Variants in CSMD1 observed in about 807,000 individuals in gnomAD.
CSMD1 encodes CUB and sushi domain-containing protein 1.
In CSMD1, 213 loss-of-function variants were observed where a neutral mutation model predicts 417.5. That is an observed-to-expected ratio of 0.51 (90% CI 0.46 to 0.57). The LOEUF is 0.57. CSMD1 is among the 20% of genes least tolerant of loss of function. The pLI is 0.00. For synonymous variants in CSMD1, 2,862 were observed against 1,736.8 expected, an observed-to-expected ratio of 1.65 and a Z score of -16.11; for missense variants, 6,923 against 4,529.7, an observed-to-expected ratio of 1.53 and a Z score of -15.17.
intron 51 of CSMD1, among the ~76,000 whole-genome samples, chr8:3,021,115 G>C (rs1442082838): frequency 2.6e-5 from 4 of 152,170 alleles, no homozygotes; most frequent in Non-Finnish European, 5.9e-5. Context: ...TCTTCTTGGA[G>C]GTTTCAGCGC....
chr8:4,571,462 T>C (rs551004405), intron 2 of CSMD1, among the ~76,000 whole-genome samples: 20 of 152,346 alleles, frequency 1.3e-4, no homozygotes, highest in African/African-American at 4.3e-4. Context: ...TTGAGTGAGT[T>C]TCTTAATCCT....
intron 3 of CSMD1, among the ~76,000 whole-genome samples, chr8:4,196,016 C>T (rs185842345): frequency 6.6e-6 from 1 of 152,126 alleles, no homozygotes; most frequent in East Asian, 1.9e-4. Context: ...TCGAGACCAT[C>T]CTGGCTAACA....
chr8:4,865,385 A>T (rs1275988865), intron 1 of CSMD1, among the ~76,000 whole-genome samples: 1 of 151,860 alleles, frequency 6.6e-6, no homozygotes, highest in Non-Finnish European at 1.5e-5. Context: ...TTCTGCCTAT[A>T]ACTGATGACT....
rs560694268 is a variant in CSMD1, at chr8:3,914,007, T to A, written c.818+83896A>T. Among the ~76,000 whole-genome samples the A allele has an allele frequency of 1.6e-3, 240 of 152,292 alleles. 1 individual carries two copies. The highest frequency in any genetic ancestry group is 5.5e-3 in the African/African-American group (227 of 41,560). Reference sequence around the variant, plus strand: ...TTTAAATTTTGTAATACTTTGTTATTCTTGAAACCCTTCTCTATACTTCTA... The same window carrying A: ...TTTAAATTTTGTAATACTTTGTTATACTTGAAACCCTTCTCTATACTTCTA... On this transcript the variant is annotated intron_variant, in intron 5 of 69. Coordinates refer to ENST00000635120, the MANE Select transcript of CSMD1 (RefSeq NM_033225.6).
intron 9 of CSMD1, among the ~76,000 whole-genome samples, chr8:3,580,892 G>C (rs1025690949): frequency 6.6e-6 from 1 of 152,160 alleles, no homozygotes; most frequent in East Asian, 1.9e-4. Flanking sequence ...AGCTGTAAAA[G>C]TTTTTGGTAA....
chr8:3,265,471 G>T (rs953186369), intron 26 of CSMD1, among the ~76,000 whole-genome samples: 1 of 152,106 alleles, frequency 6.6e-6, no homozygotes, highest in Non-Finnish European at 1.5e-5. Context: ...TAAACAGAGT[G>T]GTGTTTAACC....
chr8:3,849,134 C>G (rs747433325), intron 5 of CSMD1, among the ~76,000 whole-genome samples: 5 of 151,858 alleles, frequency 3.3e-5, no homozygotes, highest in Non-Finnish European at 7.4e-5. Context: ...GACAAGGAAG[C>G]CTAGGATGAT....
At chr8:3,148,232 G>A (rs1270259947) in intron 40 of CSMD1, among the ~76,000 whole-genome samples, 2 of 152,158 alleles carry the variant, frequency 1.3e-5, no homozygotes, top group Admixed American at 6.5e-5. Context: ...TTTGTTTTAC[G>A]TAAAAACTTC....
At chr8:2,973,479 A>C (rs189839235) in intron 56 of CSMD1, among the ~76,000 whole-genome samples, 180 bp from the exon 57 acceptor site, 4 of 152,352 alleles carry the variant, frequency 2.6e-5, no homozygotes, top group Admixed American at 2.6e-4. Flanking sequence ...AAATGAAAAG[A>C]ATTTAGGATG....
In CSMD1 at chr8:4,311,818, G is replaced by A. The variant is rs575260281; in HGVS notation, c.415+108135C>T. 3.9e-5 allele frequency among the ~76,000 whole-genome samples: 6 copies of A among 151,928 alleles called. No individual in the cohort carries two copies. In the South Asian group the frequency reaches 6.2e-4, roughly 16 times the overall value. On this transcript the variant is annotated intron_variant, in intron 3 of 69. Coordinates refer to ENST00000635120, the MANE Select transcript of CSMD1 (RefSeq NM_033225.6). ...CACACACTAGGGCCTAGTGGATGGT[G>A]GAGAGTGCGAAGGAGAGGAGCGGAA... is the stretch of plus-strand genomic sequence containing the variant.
chr8:3,358,462 T>A (rs1808942148), intron 21 of CSMD1, among the ~76,000 whole-genome samples: 1 of 152,210 alleles, frequency 6.6e-6, no homozygotes. Context: ...GCAGTTACGA[T>A]TCTCCTTTGC....
At chr8:4,389,424 C>G (rs1803696537) in intron 3 of CSMD1, among the ~76,000 whole-genome samples, 1 of 152,104 alleles carries the variant, frequency 6.6e-6, no homozygotes, top group African/African-American at 2.4e-5. Flanking sequence ...ATACGAAAAT[C>G]TCACATAAAC....
intron 25 of CSMD1, among the ~76,000 whole-genome samples, chr8:3,305,580 T>C (rs1193856162): frequency 6.6e-6 from 1 of 151,376 alleles, no homozygotes; most frequent in Non-Finnish European, 1.5e-5. Flanking sequence ...CCTTGCTATG[T>C]GATGCTCTCA....
chr8:4,320,983 T>A (rs1799243281), intron 3 of CSMD1, among the ~76,000 whole-genome samples: 1 of 152,166 alleles, frequency 6.6e-6, no homozygotes, highest in Non-Finnish European at 1.5e-5. Context: ...CAGCATTGCC[T>A]CCTTATACCA....
At chr8:3,018,742 C>CA in intron 51 of CSMD1, 92 bp from the exon 52 acceptor site, 1 of 1,230,404 alleles carries the variant, frequency 8.1e-7, no homozygotes, top group East Asian at 2.3e-5. Flanking sequence ...CAAAAAAAAC[C>CA]AAAAAACTAT....
chr8:3,059,004 G>A (rs1812412482), intron 49 of CSMD1, among the ~76,000 whole-genome samples: 1 of 151,944 alleles, frequency 6.6e-6, no homozygotes, highest in Admixed American at 6.6e-5. Context: ...TGACATGTTT[G>A]GGGAAAGGAG....
chr8:4,744,266 G>C (rs958566880), intron 1 of CSMD1, among the ~76,000 whole-genome samples: 5 of 152,208 alleles, frequency 3.3e-5, no homozygotes, highest in African/African-American at 7.2e-5. Context: ...TCAGGGGCTT[G>C]AACTTTGCCT....
intron 3 of CSMD1, among the ~76,000 whole-genome samples, chr8:4,050,863 G>C (rs541803787): frequency 6.6e-6 from 1 of 152,226 alleles, no homozygotes; most frequent in South Asian, 2.1e-4. Context: ...GGATCTGAAA[G>C]GGCACTTCTA....
At chr8:3,982,802 G>C (rs529203596) in intron 5 of CSMD1, among the ~76,000 whole-genome samples, 38 of 152,280 alleles carry the variant, frequency 2.5e-4, no homozygotes, top group African/African-American at 8.2e-4. Context: ...GAATCCGCTG[G>C]AGGATTCTGA....
Sources: allele counts gnomAD v4.1 joint callset (sites outside exome capture counted in the v4.1 genomes callset), GRCh38; gene constraint gnomAD v4.1.1; transcripts MANE v1.5; gene names NCBI Gene and HGNC (gene_info 2026-07-23, HGNC 2026-07-21).